Variants in CCDC106 observed in about 807,000 individuals in gnomAD.
The protein encoded by CCDC106 is coiled-coil domain-containing protein 106.
In CCDC106, 17 loss-of-function variants were observed where a neutral mutation model predicts 24.7. The ratio of observed to expected loss-of-function variants is 0.69; its 90% CI spans 0.47 to 1.03. CCDC106 has a LOEUF of 1.03. Ranked by LOEUF, CCDC106 falls within the 50% of genes least tolerant of loss-of-function variation. The pLI, the probability that CCDC106 is intolerant of heterozygous loss-of-function variation, is 0.00. For synonymous variants in CCDC106, 211 were observed against 161.3 expected (o/e 1.31, Z -2.34); for missense variants, 337 against 388.9 (o/e 0.87, Z 1.12).
At position 55,648,692 on chromosome 19, in the gene CCDC106, G is replaced by A. The variant is rs1983027924; in HGVS notation, c.-355G>A. The stretch of plus-strand genomic sequence containing the variant: ...CTTCCCCTTCAGGCTAGGTGTCCCT[G>A]GTCAGGCGACCCCTTGGGGCACCCA... On this transcript the variant is annotated 5_prime_UTR_variant, in exon 1 of 5. Transcript: ENST00000586790. The A allele has an allele frequency of 2.6e-6, 1 of 390,408 alleles. No individual in the cohort carries two copies. The highest frequency in any genetic ancestry group is 4.7e-6 in the Non-Finnish European group (1 of 214,000). 24.2% of individuals were successfully genotyped at this position (390,408 alleles called of 1,614,324 possible).
In CCDC106 at chr19:55,649,058, G is replaced by C; in HGVS notation, c.12G>C (p.Arg4=). 6.2e-7 allele frequency: 1 copy of C among 1,613,674 alleles called. No individual in the cohort carries two copies. The highest frequency in any genetic ancestry group is 8.5e-7 in the Non-Finnish European group (1 of 1,180,022). The change falls in exon 1 of 5, where the codon CGG becomes CGC. Residue 4 remains arginine, a synonymous_variant. Coordinates refer to ENST00000586790, the MANE Select transcript of CCDC106 (RefSeq NM_001370470.1). The part of the protein sequence containing the change: MND[R]SSRRRTMKDD... ...TAGGAAGCCGCGCCATGAATGACCG[G>C]AGCAGTCGGAGGCGGACAAGTGAGG...
chr19:55,652,709 AGCT>A lies in CCDC106; in HGVS notation c.815_817del (p.Leu272del). On this transcript the variant is annotated inframe_deletion, in exon 5 of 5. Transcript: ENST00000586790. The surrounding 1 kb of genome is among the most constrained non-coding windows in gnomAD (Gnocchi z 5.9). The stretch of plus-strand genomic sequence containing the variant: ...AAGGTGCAGGCGCTCAAGAAGAGCA[AGCT>A]GCTGCTGCCCATCACCTACCGCTTC... 6.2e-7 allele frequency: 1 copy of A among 1,612,708 alleles called. No individual in the cohort carries two copies. The highest frequency in any genetic ancestry group is 1.3e-5 in the African/African-American group (1 of 75,014).
In CCDC106 at chr19:55,652,681, A is replaced by G. The variant is rs761511568; in HGVS notation, c.778A>G (p.Lys260Glu). The G allele has an allele frequency of 1.9e-6, 3 of 1,613,006 alleles. No homozygotes were observed. The highest frequency in any genetic ancestry group is 2.5e-6 in the Non-Finnish European group (3 of 1,179,914). The change falls in exon 5 of 5, where the codon AAG becomes GAG. Residue 260 changes from lysine (K) to glutamate (E), a missense_variant. Transcript: ENST00000586790. The surrounding 1 kb of genome is among the most constrained non-coding windows in gnomAD (Gnocchi z 5.9). ...CFLALDDETLKKVQALKKSKL... is the reference protein window; with the variant it reads ...CFLALDDETLEKVQALKKSKL... Reference sequence around the variant, plus strand: ...TCTGGCCCTGGACGACGAGACGCTCAAGAAGGTGCAGGCGCTCAAGAAGAG... The same window carrying G: ...TCTGGCCCTGGACGACGAGACGCTCGAGAAGGTGCAGGCGCTCAAGAAGAG...
At chr19:55,647,737 C>G (rs935510225), upstream of CCDC106, among the ~76,000 whole-genome samples, 18 of 152,168 alleles carry the variant, frequency 1.2e-4, no homozygotes, top group African/African-American at 4.1e-4. Context: ...CCCCACATCC[C>G]TGAGAACCTT....
Position 55,652,929 on chromosome 19 carries a change from A to C in CCDC106, c.*183A>C. 3 of 577,894 alleles carry C rather than the reference A, an allele frequency of 5.2e-6. No individual in the cohort carries two copies. Among genetic ancestry groups the C allele is most frequent in the South Asian group, 4.2e-5 (2 of 47,458 alleles). The allele number at this position is 577,894 out of a possible 1,614,324, so 35.8% of individuals were successfully genotyped here. On this transcript the variant is annotated 3_prime_UTR_variant, in exon 5 of 5. Transcript: ENST00000586790. This position sits in a 1 kb window ranked among gnomAD's most constrained non-coding sequence, Gnocchi z 5.9. ...CCGCGGCCCCTTCCCGAACGCCGGC[A>C]CCCCCTTCCGCTTGGGCTGCCCAGC...
chr19:55,651,401 A>G lies in CCDC106; in HGVS notation c.432A>G (p.Glu144=). ...SAASSLSGAS[E]EGSASERRRQ... ...CCTCCTCCCTCAGCGGAGCGTCCGA[A>G]GAAGGCAGCGCCAGTGAGAGGAGGC... Residue 144 remains glutamate, a synonymous_variant, in exon 4 of 5, where the codon GAA becomes GAG. Transcript: ENST00000586790. 4.3e-6 allele frequency: 7 copies of G among 1,611,360 alleles called. No homozygotes were observed. The highest frequency in any genetic ancestry group is 5.9e-6 in the Non-Finnish European group (7 of 1,179,010).
chr19:55,651,673 G>C (rs1403782489), intron 4 of CCDC106, among the ~76,000 whole-genome samples, 178 bp downstream of exon 4: 1 of 143,544 alleles, frequency 7.0e-6, no homozygotes, highest in East Asian at 2.0e-4. Flanking sequence ...TTTTTTTTTT[G>C]GCGGGGGGGA....
At chr19:55,650,556 AG>A (rs1259775863) in intron 3 of CCDC106, among the ~76,000 whole-genome samples, 4 of 152,164 alleles carry the variant, frequency 2.6e-5, no homozygotes, top group African/African-American at 9.7e-5. Flanking sequence ...ATCCTAGGCA[AG>A]GGGGCTATGG....
rs545729749 is a variant in CCDC106, at chr19:55,652,286, C to G, written c.527-144C>G. ...CCCCTCCTCTCTGCCCCTTCCTTGC[C>G]TGTTGTTCTCCGTCTCCACCTGCAC... is the stretch of plus-strand genomic sequence containing the variant. On this transcript the variant is annotated intron_variant, in intron 4 of 4. Transcript: ENST00000586790. The surrounding 1 kb of genome is among the most constrained non-coding windows in gnomAD (Gnocchi z 5.9). 65 of 663,872 alleles carry G rather than the reference C, an allele frequency of 9.8e-5. No individual in the cohort carries two copies. In the African/African-American group the frequency reaches 1.1e-3, roughly 11 times the overall value. The allele number at this position is 663,872 out of a possible 1,614,324, so 41.1% of individuals were successfully genotyped here.
chr19:55,649,840 C>T (rs2112799), intron 3 of CCDC106, among the ~76,000 whole-genome samples: 13,942 of 152,230 alleles, frequency 0.092, 871 homozygotes, highest in Middle Eastern at 0.19. Context: ...CATCAGCCTC[C>T]AGTGCCCTGC....
At chr19:55,647,972 G>A (rs1600054343), upstream of CCDC106, 1 of 152,234 alleles carries the variant, frequency 6.6e-6, no homozygotes, top group African/African-American at 2.4e-5. Flanking sequence ...CTGAGCTTCG[G>A]GGAGGGCGGG....
chr19:55,652,794 C>A lies in CCDC106; in HGVS notation c.*48C>A. On this transcript the variant is annotated 3_prime_UTR_variant, in exon 5 of 5. Transcript: ENST00000586790. This position sits in a 1 kb window ranked among gnomAD's most constrained non-coding sequence, Gnocchi z 5.9. ...CACCCGGGCCTTCCTCCCCCGTGGA[C>A]CCCGGTGGATGACCTGCCCCTCTCC... The A allele has an allele frequency of 1.3e-6, 2 of 1,496,996 alleles. No homozygotes were observed. The highest frequency in any genetic ancestry group is 1.8e-5 in the Admixed American group (1 of 54,786). The allele number at this position is 1,496,996 out of a possible 1,614,324, so 92.7% of individuals were successfully genotyped here. A position where few individuals can be genotyped will look rare whatever the true frequency, so the allele number is the denominator to read the frequency against.
chr19:55,649,629 C>T, intron 3 of CCDC106, 45 bp downstream of exon 3: 2 of 1,565,550 alleles, frequency 1.3e-6, no homozygotes, highest in East Asian at 2.3e-5. Context: ...TGTCCCGCTA[C>T]TGGGTACCCG....
Position 55,653,010 on chromosome 19 carries a change from C to T in CCDC106, c.*264C>T. 2.0e-6 allele frequency: 1 copy of T among 491,418 alleles called. No individual in the cohort carries two copies. Among genetic ancestry groups the T allele is most frequent in the African/African-American group, 2.0e-5 (1 of 49,386 alleles). 30.4% of individuals were successfully genotyped at this position (491,418 alleles called of 1,614,324 possible). On this transcript the variant is annotated 3_prime_UTR_variant, in exon 5 of 5. Coordinates refer to ENST00000586790, the MANE Select transcript of CCDC106 (RefSeq NM_001370470.1). ...AAACCAGGCAGGCGGGTGCCCCCCC[C>T]TCGAGTGGGGGACTGTACAGACCCC...
chr19:55,649,573 G>A lies in CCDC106; in HGVS notation c.302G>A (p.Arg101Gln), dbSNP rs1983103081. The change falls in exon 3 of 5, where the codon CGG becomes CAG. Residue 101 changes from arginine (R) to glutamine (Q), a missense_variant. Around this residue, in one of 2 missense-constraint regions of CCDC106, gnomAD observed 234 missense variants for 236.5 expected, o/e 0.99. Coordinates refer to ENST00000586790, the MANE Select transcript of CCDC106 (RefSeq NM_001370470.1). ...CQLDKFISSA[R>Q]MEAEDHCRMK... ...CTGGACAAATTCATCTCTTCTGCTC[G>A]GATGGAGGCAGGTGTGTGTGGGGTG... is the stretch of plus-strand genomic sequence containing the variant. 6.2e-7 allele frequency: 1 copy of A among 1,613,758 alleles called. No individual in the cohort carries two copies. The highest frequency in any genetic ancestry group is 8.5e-7 in the Non-Finnish European group (1 of 1,179,786).
At chr19:55,650,943 T>A (rs1983214164) in intron 3 of CCDC106, among the ~76,000 whole-genome samples, 1 of 152,168 alleles carries the variant, frequency 6.6e-6, no homozygotes, top group South Asian at 2.1e-4. Flanking sequence ...TTCCAGAGGC[T>A]ACTCTCCAGA....
intron 4 of CCDC106, among the ~76,000 whole-genome samples, chr19:55,651,869 T>C (rs7251872): frequency 0.98 from 149,776 of 152,236 alleles, 73,691 homozygotes; most frequent in African/African-American, 1. Context: ...TCACCGTGTT[T>C]GCCAGGATGG....
In CCDC106 at chr19:55,649,233, C is replaced by T. The variant is rs766817832; in HGVS notation, c.60C>T (p.Ser20=). ...AGGACGATGAGACCTTCGAGATCTCCATTCCCTTCGATGAGGCACCCCACC... is the reference window on the plus strand; with the variant it reads ...AGGACGATGAGACCTTCGAGATCTCTATTCCCTTCGATGAGGCACCCCACC... ...TMKDDETFEI[S]IPFDEAPHLD... The change falls in exon 2 of 5, where the codon TCC becomes TCT. Residue 20 remains serine, a synonymous_variant. Coordinates refer to ENST00000586790, the MANE Select transcript of CCDC106 (RefSeq NM_001370470.1). 6.8e-6 allele frequency: 11 copies of T among 1,613,998 alleles called. No homozygotes were observed. Among genetic ancestry groups the T allele is most frequent in the Admixed American group, 6.7e-5 (4 of 60,006 alleles).
chr19:55,649,720 G>A, intron 3 of CCDC106, 136 bp downstream of exon 3: 1 of 788,360 alleles, frequency 1.3e-6, no homozygotes, highest in Non-Finnish European at 2.0e-6. Context: ...TCCCCTGCCT[G>A]TTTTGGGCCC....
Sources: gnomAD v4.1 joint callset for allele counts (sites outside exome capture counted in the v4.1 genomes callset) on GRCh38, gnomAD v4.1.1 for gene constraint, gnomAD v4.1.1 regional missense constraint, Gnocchi (gnomAD v3.1) non-coding constraint, MANE v1.5 for transcripts, NCBI Gene and HGNC (gene_info 2026-07-23, HGNC 2026-07-21) for gene names.